Variants in CERS6 observed in about 807,000 individuals in gnomAD.
CERS6 encodes ceramide synthase 6.
CERS6 carries 26 observed loss-of-function variants against 56.8 expected under a neutral mutation model. The ratio of observed to expected loss-of-function variants is 0.46; its 90% CI spans 0.34 to 0.63. The LOEUF (loss-of-function observed/expected upper bound fraction) is 0.63, where lower values mean the gene tolerates loss of function less well. Ranked by LOEUF, CERS6 falls within the 30% of genes least tolerant of loss-of-function variation. The pLI is 0.01. For missense variants in CERS6, 415 were observed against 467.5 expected, an observed-to-expected ratio of 0.89 and a Z score of 1.04; for synonymous variants, 164 against 173.3, an observed-to-expected ratio of 0.95 and a Z score of 0.42.
At chr2:168,672,650 CATTA>C (rs1361688518) in intron 4 of CERS6, among the ~76,000 whole-genome samples, 3 of 152,288 alleles carry the variant, frequency 2.0e-5, no homozygotes, top group South Asian at 2.1e-4. Context: ...ATCCTAGTTT[CATTA>C]ATCACCAAGG....
At chr2:168,596,899 T>G (rs944855063) in intron 3 of CERS6, among the ~76,000 whole-genome samples, 2 of 152,210 alleles carry the variant, frequency 1.3e-5, no homozygotes, top group South Asian at 2.1e-4. Flanking sequence ...ATGAAACTTT[T>G]TGTTTGCTCT....
At chr2:168,663,830 A>G (rs1258720768) in intron 4 of CERS6, among the ~76,000 whole-genome samples, 1 of 151,880 alleles carries the variant, frequency 6.6e-6, no homozygotes, top group East Asian at 1.9e-4. Context: ...GTTATGGGTG[A>G]TTTTTTGTTT....
chr2:168,514,472 T>C (rs1186047291), intron 1 of CERS6, among the ~76,000 whole-genome samples: 2 of 152,238 alleles, frequency 1.3e-5, no homozygotes, highest in African/African-American at 4.8e-5. Flanking sequence ...CTGTCAGTCC[T>C]GGGGGACCCC....
At chr2:168,500,350 C>G (rs1432101921) in intron 1 of CERS6, among the ~76,000 whole-genome samples, 1 of 152,088 alleles carries the variant, frequency 6.6e-6, no homozygotes, top group African/African-American at 2.4e-5. Flanking sequence ...TCATATTTGG[C>G]TGTGCAAGCA....
At chr2:168,761,164 C>T (rs955393692) in intron 8 of CERS6, among the ~76,000 whole-genome samples, 4 of 151,938 alleles carry the variant, frequency 2.6e-5, no homozygotes, top group South Asian at 2.1e-4. Flanking sequence ...GAGATATATC[C>T]GTTTGGTGCA....
At chr2:168,740,316 T>C (rs1559075114) in intron 8 of CERS6, among the ~76,000 whole-genome samples, 1 of 152,240 alleles carries the variant, frequency 6.6e-6, no homozygotes, top group Non-Finnish European at 1.5e-5. Flanking sequence ...ATGCTATGTA[T>C]TATCTTCAGA....
intron 1 of CERS6, among the ~76,000 whole-genome samples, chr2:168,488,970 C>T (rs542498194): frequency 2.0e-5 from 3 of 152,182 alleles, no homozygotes; most frequent in African/African-American, 7.2e-5. Flanking sequence ...GGAAAGTAGT[C>T]TTCTATATTT....
chr2:168,465,927 C>T (rs1053410569), intron 1 of CERS6, among the ~76,000 whole-genome samples: 1 of 151,950 alleles, frequency 6.6e-6, no homozygotes, highest in Non-Finnish European at 1.5e-5. Context: ...CTAGAAATTA[C>T]TGCCTTCATT....
At chr2:168,487,467 G>C (rs1694295569) in intron 1 of CERS6, among the ~76,000 whole-genome samples, 1 of 152,132 alleles carries the variant, frequency 6.6e-6, no homozygotes, top group African/African-American at 2.4e-5. Flanking sequence ...ACATCTGTCA[G>C]GTATAACCCC....
intron 3 of CERS6, among the ~76,000 whole-genome samples, chr2:168,586,655 C>T (rs770642015): frequency 2.0e-5 from 3 of 152,086 alleles, no homozygotes; most frequent in Admixed American, 2.0e-4. Flanking sequence ...AAGTTTCACA[C>T]GTTGTCATTG....
At chr2:168,618,423 T>C (rs1361261753) in intron 3 of CERS6, among the ~76,000 whole-genome samples, 1 of 152,056 alleles carries the variant, frequency 6.6e-6, no homozygotes, top group Non-Finnish European at 1.5e-5. Flanking sequence ...TCCAAATCAG[T>C]CACAAGGAAG....
intron 3 of CERS6, among the ~76,000 whole-genome samples, chr2:168,604,150 C>T (rs948132882): frequency 3.3e-5 from 5 of 152,198 alleles, no homozygotes; most frequent in Admixed American, 1.3e-4. Flanking sequence ...TTCCTTGGAG[C>T]CATCCTTAAT....
intron 3 of CERS6, among the ~76,000 whole-genome samples, chr2:168,624,990 T>G (rs544221995): frequency 1.3e-5 from 2 of 152,302 alleles, no homozygotes; most frequent in East Asian, 3.9e-4. Context: ...ATAATTTCAC[T>G]TCATTTGTAA....
intron 8 of CERS6, among the ~76,000 whole-genome samples, chr2:168,736,599 C>T (rs559440624): frequency 2.6e-5 from 4 of 152,290 alleles, no homozygotes; most frequent in East Asian, 3.9e-4. Flanking sequence ...AGTGCCTGGC[C>T]GTAGGTGGGC....
intron 4 of CERS6, among the ~76,000 whole-genome samples, chr2:168,667,601 TTCTC>T (rs1685796649): frequency 6.6e-6 from 1 of 152,158 alleles, no homozygotes; most frequent in Admixed American, 6.5e-5. Context: ...TTTAAATATG[TTCTC>T]TCTAATGGAT....
chr2:168,480,398 T>C (rs1348869732), intron 1 of CERS6, among the ~76,000 whole-genome samples: 4 of 152,214 alleles, frequency 2.6e-5, no homozygotes, highest in Admixed American at 1.3e-4. Flanking sequence ...ACAAATACTT[T>C]TGCAGAATAT....
chr2:168,601,330 T>G lies in CERS6; in HGVS notation c.408-29655T>G, dbSNP rs147663920. On this transcript the variant is annotated intron_variant, in intron 3 of 9. Coordinates refer to ENST00000305747, the MANE Select transcript of CERS6 (RefSeq NM_203463.3). ...TCTCAGTGCAACAGATCTGTTTCTC[T>G]CTGTGATGTTAACTCATGATTTAAA... Among the ~76,000 whole-genome samples, 413 of 152,314 alleles carry G rather than the reference T, an allele frequency of 2.7e-3. 3 individuals carry two copies. The highest frequency in any genetic ancestry group is 8.8e-3 in the African/African-American group (366 of 41,578).
intron 1 of CERS6, among the ~76,000 whole-genome samples, chr2:168,475,447 A>C (rs781191527): frequency 1.3e-5 from 2 of 152,148 alleles, no homozygotes; most frequent in Non-Finnish European, 2.9e-5. Context: ...AAGCAATTTT[A>C]TATCGTGGGA....
At chr2:168,675,309 G>A (rs1372710376) in intron 4 of CERS6, among the ~76,000 whole-genome samples, 2 of 152,048 alleles carry the variant, frequency 1.3e-5, no homozygotes. Context: ...AATAGGCCGG[G>A]CATAGTGACT....
Sources: gnomAD v4.1 joint callset for allele counts (sites outside exome capture counted in the v4.1 genomes callset) on GRCh38, gnomAD v4.1.1 for gene constraint, MANE v1.5 for transcripts, NCBI Gene and HGNC (gene_info 2026-07-23, HGNC 2026-07-21) for gene names.